Variants in GALNT13 observed in about 807,000 individuals in gnomAD.
GALNT13 encodes polypeptide N-acetylgalactosaminyltransferase 13.
Under a neutral mutation model 64.2 loss-of-function variants are expected in GALNT13, and 28 were observed. The ratio of observed to expected loss-of-function variants is 0.44; its 90% CI spans 0.32 to 0.60. The LOEUF (loss-of-function observed/expected upper bound fraction) is 0.60. Among genes scored for constraint, GALNT13 ranks in the 20% least tolerant of loss-of-function variants. GALNT13 has a pLI of 0.05. For missense variants in GALNT13, 577 were observed against 669.8 expected, an observed-to-expected ratio of 0.86 and a Z score of 1.53; for synonymous variants, 214 against 224.6, an observed-to-expected ratio of 0.95 and a Z score of 0.42.
intron 4 of GALNT13, among the ~76,000 whole-genome samples, chr2:154,210,484 C>G (rs1440392408): frequency 6.6e-6 from 1 of 152,128 alleles, no homozygotes; most frequent in Non-Finnish European, 1.5e-5. Flanking sequence ...CAGAAAGATC[C>G]TGACACAGTT....
intron 9 of GALNT13, among the ~76,000 whole-genome samples, chr2:154,356,611 A>G (rs894754276): frequency 1.3e-5 from 2 of 151,972 alleles, no homozygotes; most frequent in Non-Finnish European, 2.9e-5. Flanking sequence ...TTTGTAAATA[A>G]CTACCTTTCC....
intron 9 of GALNT13, among the ~76,000 whole-genome samples, chr2:154,394,077 C>CAAAAAA (rs369267777): frequency 0.062 from 1,994 of 31,978 alleles, 498 homozygotes; most frequent in African/African-American, 0.16. Context: ...GACTCCGTCT[C>CAAAAAA]AAAAAAAAAA....
At chr2:153,196,561 A>T in the GALNT13 span, among the ~76,000 whole-genome samples, 1 of 152,098 alleles carries the variant, frequency 6.6e-6, no homozygotes, top group African/African-American at 2.4e-5. Context: ...TGCAGAGTGC[A>T]GAGATGCCTG....
chr2:153,214,242 G>A, the GALNT13 span, among the ~76,000 whole-genome samples: 1 of 152,116 alleles, frequency 6.6e-6, no homozygotes, highest in Non-Finnish European at 1.5e-5. Context: ...AGCAATGGTA[G>A]ACTCAAAGGA....
At chr2:153,962,229 T>C (rs1195509122) in intron 3 of GALNT13, among the ~76,000 whole-genome samples, 1 of 152,218 alleles carries the variant, frequency 6.6e-6, no homozygotes, top group African/African-American at 2.4e-5. Context: ...ACATTGTATA[T>C]ACTTTCACTT....
chr2:153,343,750 T>C, the GALNT13 span, among the ~76,000 whole-genome samples: 1 of 152,190 alleles, frequency 6.6e-6, no homozygotes, highest in Admixed American at 6.5e-5. Flanking sequence ...CCCCACTTAC[T>C]TAACTCATCT....
chr2:153,991,006 A>G (rs1695122085), intron 3 of GALNT13, among the ~76,000 whole-genome samples: 1 of 152,180 alleles, frequency 6.6e-6, no homozygotes. Context: ...CTCATGCAGT[A>G]ACTTCCAAAT....
chr2:154,447,985 G>A (rs888590583), intron 12 of GALNT13, among the ~76,000 whole-genome samples: 2 of 151,976 alleles, frequency 1.3e-5, no homozygotes, highest in East Asian at 1.9e-4. Flanking sequence ...GGAGAAATTG[G>A]AGCAGTTCCC....
chr2:153,161,018 A>G, the GALNT13 span, among the ~76,000 whole-genome samples: 322 of 152,318 alleles, frequency 2.1e-3, 2 homozygotes, highest in African/African-American at 7.0e-3. Context: ...GATTTAAAAT[A>G]TACTAGATTA....
At chr2:154,355,713 C>T (rs536499129) in intron 9 of GALNT13, among the ~76,000 whole-genome samples, 30 of 152,034 alleles carry the variant, frequency 2.0e-4, no homozygotes, top group Non-Finnish European at 2.9e-4. Context: ...ATTTTTAGTT[C>T]GAGAGGCTGC....
chr2:153,613,262 A>G, the GALNT13 span, among the ~76,000 whole-genome samples: 1 of 152,184 alleles, frequency 6.6e-6, no homozygotes, highest in Non-Finnish European at 1.5e-5. Flanking sequence ...GCAAGAGATC[A>G]AAGAGATTTT....
At chr2:153,094,465 A>C in the GALNT13 span, among the ~76,000 whole-genome samples, 2 of 152,198 alleles carry the variant, frequency 1.3e-5, no homozygotes, top group Admixed American at 1.3e-4. Context: ...ATACTGCCCA[A>C]GGTAATTTAG....
intron 8 of GALNT13, among the ~76,000 whole-genome samples, chr2:154,279,796 A>G (rs530818315): frequency 6.6e-6 from 1 of 152,062 alleles, no homozygotes; most frequent in Non-Finnish European, 1.5e-5. Context: ...TTACCAATTA[A>G]TTTTTTTAAT....
At chr2:153,969,186 A>G (rs1182987673) in intron 3 of GALNT13, among the ~76,000 whole-genome samples, 1 of 152,062 alleles carries the variant, frequency 6.6e-6, no homozygotes, top group Non-Finnish European at 1.5e-5. Context: ...CACTTCCTCC[A>G]TTTTTTGAGG....
intron 9 of GALNT13, among the ~76,000 whole-genome samples, chr2:154,304,717 C>T (rs1329899568): frequency 3.3e-5 from 5 of 152,116 alleles, no homozygotes; most frequent in African/African-American, 1.2e-4. Flanking sequence ...ACAATAGGGA[C>T]TGTTTGTATA....
chr2:153,679,258 T>G, the GALNT13 span, among the ~76,000 whole-genome samples: 3 of 152,004 alleles, frequency 2.0e-5, no homozygotes, highest in South Asian at 2.1e-4. Flanking sequence ...ACAAGTACAT[T>G]AAGTCTAATT....
the GALNT13 span, among the ~76,000 whole-genome samples, chr2:153,711,518 G>A: frequency 6.6e-6 from 1 of 152,090 alleles, no homozygotes. Flanking sequence ...GTAATTAAAT[G>A]GAAGTTCAGA....
chr2:153,389,137 AC>A, the GALNT13 span, among the ~76,000 whole-genome samples: 1 of 152,080 alleles, frequency 6.6e-6, no homozygotes, highest in African/African-American at 2.4e-5. Flanking sequence ...ATTTGCTAAT[AC>A]TTGCATAAGA....
the GALNT13 span, among the ~76,000 whole-genome samples, chr2:153,320,223 G>A: frequency 1.1e-3 from 164 of 152,222 alleles, 1 homozygote; most frequent in African/African-American, 3.8e-3. Context: ...TATTTTTTAC[G>A]TGTTTTAATA....
Sources: allele counts gnomAD v4.1 joint callset (sites outside exome capture counted in the v4.1 genomes callset), GRCh38; gene constraint gnomAD v4.1.1; transcripts MANE v1.5; gene names NCBI Gene and HGNC (gene_info 2026-07-23, HGNC 2026-07-21).